Variants in KCNIP4 observed in about 807,000 individuals in gnomAD.
KCNIP4 encodes the protein Kv channel-interacting protein 4.
KCNIP4 carries 12 observed loss-of-function variants against 34.0 expected under a neutral mutation model. The observed-to-expected ratio is 0.35, with a 90% CI of 0.23 to 0.57. The LOEUF is 0.57. Ranked by LOEUF, KCNIP4 falls within the 20% of genes least tolerant of loss-of-function variation. The probability of loss-of-function intolerance (pLI) is 0.83; values close to 1 mark genes in which losing one functional copy is unlikely to be tolerated. For synonymous variants in KCNIP4, 124 were observed against 102.2 expected (o/e 1.21, Z -1.29); for missense variants, 238 against 311.7 (o/e 0.76, Z 1.78).
chr4:21,406,341 T>C (rs764858759), intron 1 of KCNIP4, among the ~76,000 whole-genome samples: 2 of 152,156 alleles, frequency 1.3e-5, no homozygotes, highest in Non-Finnish European at 2.9e-5. Flanking sequence ...CCTAATCTAA[T>C]AGTGCAAAAG....
chr4:20,894,228 G>A (rs1175987901), intron 1 of KCNIP4, among the ~76,000 whole-genome samples: 1 of 152,206 alleles, frequency 6.6e-6, no homozygotes, highest in African/African-American at 2.4e-5. Context: ...TTTGGGATAA[G>A]CCAAGCATGC....
At chr4:21,934,540 A>G (rs2109012232) in intron 1 of KCNIP4, among the ~76,000 whole-genome samples, 1 of 152,242 alleles carries the variant, frequency 6.6e-6, no homozygotes, top group Middle Eastern at 3.4e-3. Context: ...TACTGTATAT[A>G]ACATAGAAAC....
intron 1 of KCNIP4, among the ~76,000 whole-genome samples, chr4:21,182,957 T>C (rs962863282): frequency 6.6e-6 from 1 of 152,132 alleles, no homozygotes; most frequent in African/African-American, 2.4e-5. Flanking sequence ...CTCTAAGTTA[T>C]TCCTCCTATC....
chr4:21,247,626 T>C (rs1440067941), intron 1 of KCNIP4, among the ~76,000 whole-genome samples: 59 of 143,942 alleles, frequency 4.1e-4, no homozygotes, highest in Admixed American at 7.9e-4. Flanking sequence ...TATATCTATA[T>C]ATTTAGATAT....
At chr4:21,653,361 GATT>G (rs1747666698) in intron 1 of KCNIP4, among the ~76,000 whole-genome samples, 1 of 152,138 alleles carries the variant, frequency 6.6e-6, no homozygotes, top group Admixed American at 6.6e-5. Flanking sequence ...TGTTTCACAG[GATT>G]ATTATCAGGA....
At chr4:21,854,990 T>G (rs1328896205) in intron 1 of KCNIP4, among the ~76,000 whole-genome samples, 1 of 152,238 alleles carries the variant, frequency 6.6e-6, no homozygotes, top group Non-Finnish European at 1.5e-5. Context: ...AAATGGCTGT[T>G]GATTTTCATT....
rs1713586629 is a variant in KCNIP4 at position 21,709,894 on chromosome 4, A to C, written c.61+238677T>G. The stretch of plus-strand genomic sequence containing the variant: ...CTAACTACACTAATGCCATAGGCCA[A>C]ATGCCAAAAGAGAAGCACATATCCT... On this transcript the variant is annotated intron_variant, in intron 1 of 8. Transcript: ENST00000382152. Among the ~76,000 whole-genome samples, 3 of 152,188 alleles carry C rather than the reference A, an allele frequency of 2.0e-5. No individual in the cohort carries two copies. The South Asian group carries it at 6.2e-4, about 32-fold the overall frequency.
chr4:21,283,362 G>A (rs1429588335), intron 1 of KCNIP4, among the ~76,000 whole-genome samples: 16 of 151,906 alleles, frequency 1.1e-4, no homozygotes, highest in Non-Finnish European at 1.5e-5. Flanking sequence ...ATTTCAGCCA[G>A]CTAGGTGGAC....
rs1383486275 is a variant in KCNIP4, at chr4:21,799,746, T to C, written c.61+148825A>G. Among the ~76,000 whole-genome samples the C allele has an allele frequency of 2.0e-5, 3 of 152,206 alleles. No individual in the cohort carries two copies. The East Asian group carries it at 5.8e-4, about 29-fold the overall frequency. On this transcript the variant is annotated intron_variant, in intron 1 of 8. Coordinates refer to ENST00000382152, the MANE Select transcript of KCNIP4 (RefSeq NM_025221.6). ...AATGCTGTGATTTCTATGTCACATGTCAACCATTTAACAAATAAGTTCCTT... is the reference window on the plus strand; with the variant it reads ...AATGCTGTGATTTCTATGTCACATGCCAACCATTTAACAAATAAGTTCCTT...
At position 21,148,125 on chromosome 4, in the gene KCNIP4, C is replaced by T. The variant is rs142739027; in HGVS notation, c.62-265416G>A. On this transcript the variant is annotated intron_variant, in intron 1 of 8. Coordinates refer to ENST00000382152, the MANE Select transcript of KCNIP4 (RefSeq NM_025221.6). ...GTTATGAAAATCAGGAAACTGCTGC[C>T]TAATGGCTTAACCTTTGATGTAATG... is the stretch of plus-strand genomic sequence containing the variant. Among the ~76,000 whole-genome samples, 12 of 152,136 alleles carry T rather than the reference C, an allele frequency of 7.9e-5. No individual in the cohort carries two copies. In the East Asian group the frequency reaches 2.1e-3, roughly 27 times the overall value.
Position 21,428,473 on chromosome 4 carries a change from G to A in KCNIP4, c.61+520098C>T, listed in dbSNP as rs368133047. ...ATTCATATGACTTCAGGTTACTTTG[G>A]CCAGCATTAAAATCAGCCTGCAGGC... On this transcript the variant is annotated intron_variant, in intron 1 of 8. Coordinates refer to ENST00000382152, the MANE Select transcript of KCNIP4 (RefSeq NM_025221.6). Among the ~76,000 whole-genome samples, 7 of 152,070 alleles carry A rather than the reference G, an allele frequency of 4.6e-5. No individual in the cohort carries two copies. In the East Asian group the frequency reaches 1.2e-3, roughly 25 times the overall value.
intron 1 of KCNIP4, among the ~76,000 whole-genome samples, chr4:21,942,470 G>A (rs1480416745): frequency 6.6e-6 from 1 of 152,096 alleles, no homozygotes; most frequent in Non-Finnish European, 1.5e-5. Flanking sequence ...CAAAAACACT[G>A]GGCATCTATT....
chr4:21,917,843 A>T (rs1389458758), intron 1 of KCNIP4, among the ~76,000 whole-genome samples: 1 of 152,228 alleles, frequency 6.6e-6, no homozygotes, highest in East Asian at 1.9e-4. Flanking sequence ...GGCAAAAGCA[A>T]GACGTTCATG....
intron 1 of KCNIP4, among the ~76,000 whole-genome samples, chr4:21,646,431 G>A (rs1747028607): frequency 6.6e-6 from 1 of 152,148 alleles, no homozygotes; most frequent in Non-Finnish European, 1.5e-5. Flanking sequence ...GGTATAAAGA[G>A]TAAGAAGAAG....
intron 1 of KCNIP4, among the ~76,000 whole-genome samples, chr4:21,943,137 C>T (rs1482735024): frequency 1.3e-5 from 2 of 152,204 alleles, no homozygotes; most frequent in Non-Finnish European, 2.9e-5. Context: ...CATGGTACTA[C>T]TTGCCATCAA....
chr4:21,589,531 T>C (rs1742008080), intron 1 of KCNIP4, among the ~76,000 whole-genome samples: 1 of 151,408 alleles, frequency 6.6e-6, no homozygotes, highest in South Asian at 2.1e-4. Context: ...AAGGGTTGAA[T>C]TGGATAAGCA....
intron 1 of KCNIP4, among the ~76,000 whole-genome samples, chr4:21,034,979 G>A (rs1323447903): frequency 2.0e-5 from 3 of 152,184 alleles, no homozygotes; most frequent in East Asian, 3.9e-4. Context: ...AGATGCCTAC[G>A]TGACAGCACT....
rs190951244 is a variant in KCNIP4, at chr4:20,985,957, G to A, written c.62-103248C>T. Among the ~76,000 whole-genome samples the A allele has an allele frequency of 5.3e-5, 8 of 152,172 alleles. No individual in the cohort carries two copies. In the East Asian group the frequency reaches 9.7e-4, roughly 18 times the overall value. Reference sequence around the variant, plus strand: ...TCCATGACCTTGAAGAATACACTCCGTCTCTGAATCTTGGTTTAAAATGGG... The same window carrying A: ...TCCATGACCTTGAAGAATACACTCCATCTCTGAATCTTGGTTTAAAATGGG... On this transcript the variant is annotated intron_variant, in intron 1 of 8. Transcript: ENST00000382152.
chr4:21,318,986 T>A (rs1714088641), intron 1 of KCNIP4, among the ~76,000 whole-genome samples: 1 of 152,180 alleles, frequency 6.6e-6, no homozygotes, highest in Admixed American at 6.5e-5. Context: ...ATAATGGTTG[T>A]ACACACCTGT....
Sources: allele counts gnomAD v4.1 joint callset (sites outside exome capture counted in the v4.1 genomes callset), GRCh38; gene constraint gnomAD v4.1.1; transcripts MANE v1.5; gene names NCBI Gene and HGNC (gene_info 2026-07-23, HGNC 2026-07-21).